The following CACNA1E variants were observed in gnomAD, a reference collection of about 807,000 sequenced individuals.
CACNA1E encodes calcium voltage-gated channel subunit alpha1 E, also known as voltage-dependent R-type calcium channel subunit alpha-1E.
A neutral mutation model predicts 259.2 loss-of-function variants in CACNA1E; 40 were observed. The observed-to-expected ratio is 0.15, with a 90% confidence interval of 0.12 to 0.20. The LOEUF (loss-of-function observed/expected upper bound fraction) is 0.20, where lower values mean the gene tolerates loss of function less well. Among genes scored for constraint, CACNA1E ranks in the 10% least tolerant of loss-of-function variants. The pLI, the probability that CACNA1E is intolerant of heterozygous loss-of-function variation, is 1.00. For synonymous variants in CACNA1E, 1,104 were observed against 1,138.5 expected (o/e 0.97, Z 0.61); for missense variants, 1,874 against 3,040.1 (o/e 0.62, Z 9.02).
At chr1:181,535,822 G>C (rs567242381) in intron 3 of CACNA1E, among the ~76,000 whole-genome samples, 1 of 151,842 alleles carries the variant, frequency 6.6e-6, no homozygotes, top group Non-Finnish European at 1.5e-5. Context: ...CAAGTAGCTG[G>C]GATTACAGGC....
At chr1:181,374,925 T>A (rs1208163516) in intron 1 of CACNA1E, among the ~76,000 whole-genome samples, 1 of 152,212 alleles carries the variant, frequency 6.6e-6, no homozygotes, top group Non-Finnish European at 1.5e-5. Context: ...GCCATACGTA[T>A]AATTTTTGTA....
intron 2 of CACNA1E, among the ~76,000 whole-genome samples, chr1:181,465,793 T>C: frequency 6.6e-6 from 1 of 152,260 alleles, no homozygotes; most frequent in East Asian, 1.9e-4. Context: ...TTGTATTAGC[T>C]AACTTATCCT....
At chr1:181,472,766 AAAAGCTGAAGTTTC>A (rs1662597615) in intron 2 of CACNA1E, among the ~76,000 whole-genome samples, 1 of 152,204 alleles carries the variant, frequency 6.6e-6, no homozygotes, top group South Asian at 2.1e-4. Flanking sequence ...TTTTAACACA[AAAAGCTGAAGTTTC>A]AAAGCAGGTG....
intron 3 of CACNA1E, among the ~76,000 whole-genome samples, chr1:181,557,600 C>A (rs536033520): frequency 6.6e-6 from 1 of 152,190 alleles, no homozygotes. Flanking sequence ...TCTGTGCCCT[C>A]GCATCAGGCT....
intron 7 of CACNA1E, among the ~76,000 whole-genome samples, chr1:181,684,571 G>T (rs1650320161): frequency 6.6e-6 from 1 of 152,142 alleles, no homozygotes; most frequent in Admixed American, 6.5e-5. Context: ...GTCCAGAATG[G>T]TATTTCCTAG....
intron 7 of CACNA1E, among the ~76,000 whole-genome samples, chr1:181,687,922 C>T (rs1391892207): frequency 6.6e-6 from 1 of 152,008 alleles, no homozygotes; most frequent in Non-Finnish European, 1.5e-5. Context: ...AGTGTTTTTT[C>T]TCTTATTATT....
intron 1 of CACNA1E, among the ~76,000 whole-genome samples, chr1:181,383,730 T>G (rs182634952): frequency 6.6e-6 from 1 of 152,248 alleles, no homozygotes; most frequent in Non-Finnish European, 1.5e-5. Context: ...TTTCCTTTTC[T>G]TCCTGGGCAC....
At chr1:181,399,359 T>A (rs1656921612) in intron 1 of CACNA1E, among the ~76,000 whole-genome samples, 1 of 152,222 alleles carries the variant, frequency 6.6e-6, no homozygotes, top group South Asian at 2.1e-4. Flanking sequence ...TTTTGGCCTC[T>A]CTTCATTGTT....
Position 181,730,338 on chromosome 1 carries a change from A to G in CACNA1E, c.2241-837A>G, listed in dbSNP as rs545203353. On this transcript the variant is annotated intron_variant, in intron 18 of 47. Transcript: ENST00000367573. ...GGCAGGCTCACTGCAAGGATAGCCC[A>G]GATGTGTTGTCCTCTAGCTGAGCAT... 1.1e-4 allele frequency among the ~76,000 whole-genome samples: 16 copies of G among 152,354 alleles called. 1 individual carries two copies. The East Asian group carries it at 2.5e-3, about 24-fold the overall frequency.
At chr1:181,410,449 C>T (rs1418253359) in intron 1 of CACNA1E, among the ~76,000 whole-genome samples, 1 of 152,106 alleles carries the variant, frequency 6.6e-6, no homozygotes, top group Non-Finnish European at 1.5e-5. Flanking sequence ...GCTGGTAGGG[C>T]AAGGAAGACC....
At chr1:181,796,969 C>T in intron 47 of CACNA1E, 111 bp downstream of exon 47, 1 of 727,140 alleles carries the variant, frequency 1.4e-6, no homozygotes, top group Non-Finnish European at 2.2e-6. Flanking sequence ...CCCACAAAGA[C>T]TGGAATTTCA....
At chr1:181,482,855 G>A (rs1359744052), upstream of CACNA1E, among the ~76,000 whole-genome samples, 1 of 152,258 alleles carries the variant, frequency 6.6e-6, no homozygotes, top group African/African-American at 2.4e-5. Flanking sequence ...CGGCGGCGCA[G>A]CCGCGGATCG....
intron 3 of CACNA1E, among the ~76,000 whole-genome samples, chr1:181,528,815 A>T (rs886620578): frequency 3.3e-5 from 5 of 152,236 alleles, no homozygotes; most frequent in Non-Finnish European, 7.3e-5. Flanking sequence ...AGCATTCAAA[A>T]GGTGAGTTGG....
chr1:181,756,058 C>T lies in CACNA1E; in HGVS notation c.4092C>T (p.Thr1364=). 3 of 1,613,794 alleles carry T rather than the reference C, an allele frequency of 1.9e-6. No homozygotes were observed. Among genetic ancestry groups the T allele is most frequent in the South Asian group, 2.2e-5 (2 of 91,064 alleles). Residue 1364 remains threonine, a synonymous_variant, in exon 29 of 48, where the codon ACC becomes ACT. Transcript: ENST00000367573. Reference sequence around the variant, plus strand: ...ACAACATTATCTGGGCCCTGCTGACCCTCTTCACCGTCTCCACAGGGGAAG... The same window carrying T: ...ACAACATTATCTGGGCCCTGCTGACTCTCTTCACCGTCTCCACAGGGGAAG... ...HYDNIIWALL[T]LFTVSTGEGW...
chr1:181,476,137 G>GT (rs1212973367), intron 2 of CACNA1E, among the ~76,000 whole-genome samples: 9 of 152,062 alleles, frequency 5.9e-5, no homozygotes, highest in Non-Finnish European at 1.2e-4. Flanking sequence ...AAGTAGGAGG[G>GT]TAAAAAAAGG....
At chr1:181,597,365 C>T (rs1653288968) in intron 6 of CACNA1E, among the ~76,000 whole-genome samples, 1 of 152,226 alleles carries the variant, frequency 6.6e-6, no homozygotes, top group Non-Finnish European at 1.5e-5. Context: ...TCCTCTTCTT[C>T]ACCAGGGAGT....
At chr1:181,718,237 G>C (rs909304948) in intron 12 of CACNA1E, 70 bp downstream of exon 12, 2 of 756,866 alleles carry the variant, frequency 2.6e-6, no homozygotes, top group Non-Finnish European at 4.6e-6. Context: ...TAAGCAGCTT[G>C]CTCCTTACTC....
At chr1:181,727,834 A>G (rs1558313099) in intron 18 of CACNA1E, among the ~76,000 whole-genome samples, 1 of 152,100 alleles carries the variant, frequency 6.6e-6, no homozygotes, top group Non-Finnish European at 1.5e-5. Context: ...CTAGTAAGGG[A>G]AGAGCCCTTG....
At chr1:181,543,327 A>C (rs1668739887) in intron 3 of CACNA1E, among the ~76,000 whole-genome samples, 1 of 152,182 alleles carries the variant, frequency 6.6e-6, no homozygotes, top group African/African-American at 2.4e-5. Flanking sequence ...GTTCCTGAGT[A>C]AGAGCTTAAA....
Sources: gnomAD v4.1 joint callset for allele counts (sites outside exome capture counted in the v4.1 genomes callset) on GRCh38, gnomAD v4.1.1 for gene constraint, MANE v1.5 for transcripts, NCBI Gene and HGNC (gene_info 2026-07-23, HGNC 2026-07-21) for gene names.